CEP112: variants seen among roughly 807,000 people sequenced by gnomAD.
CEP112 encodes the protein centrosomal protein 112.
Under a neutral mutation model 153.0 loss-of-function variants are expected in CEP112, and 127 were observed. That is an observed-to-expected ratio of 0.83 (90% CI 0.72 to 0.96). The LOEUF (loss-of-function observed/expected upper bound fraction) is 0.96, where lower values mean the gene tolerates loss of function less well. CEP112 is among the 40% of genes least tolerant of loss of function. The probability of loss-of-function intolerance (pLI) is 0.00; values close to 1 mark genes in which losing one functional copy is unlikely to be tolerated. For synonymous variants in CEP112, 358 were observed against 374.4 expected, an observed-to-expected ratio of 0.96 and a Z score of 0.51; for missense variants, 1,089 against 1,101.2, an observed-to-expected ratio of 0.99 and a Z score of 0.16.
At chr17:65,951,107 TTGTC>T (rs553212773) in intron 18 of CEP112, among the ~76,000 whole-genome samples, 3 of 152,260 alleles carry the variant, frequency 2.0e-5, no homozygotes, top group South Asian at 4.1e-4. Context: ...TGGTGTATAA[TTGTC>T]TGTATATGTT....
chr17:65,992,912 CAT>C (rs1453345400), intron 17 of CEP112, among the ~76,000 whole-genome samples: 3 of 146,502 alleles, frequency 2.0e-5, no homozygotes, highest in Non-Finnish European at 3.0e-5. Context: ...ATTCTTCCCA[CAT>C]ATGTGTATTC....
chr17:65,887,607 A>G (rs1247949708), intron 20 of CEP112, among the ~76,000 whole-genome samples: 1 of 152,194 alleles, frequency 6.6e-6, no homozygotes, highest in East Asian at 1.9e-4. Context: ...CACCCATGGA[A>G]GCAGCTCAGC....
intron 19 of CEP112, among the ~76,000 whole-genome samples, chr17:65,909,148 C>T (rs2060190492): frequency 6.6e-6 from 1 of 152,104 alleles, no homozygotes; most frequent in Non-Finnish European, 1.5e-5. Context: ...GTCAGGAATG[C>T]CAGTGCTAGA....
chr17:65,641,676 A>G (rs913535131), intron 24 of CEP112, among the ~76,000 whole-genome samples: 1 of 152,030 alleles, frequency 6.6e-6, no homozygotes, highest in Admixed American at 6.6e-5. Context: ...AGCCCAGGAG[A>G]TCAAGGCTGC....
intron 18 of CEP112, among the ~76,000 whole-genome samples, chr17:65,954,279 AAGCCTCATTCCTAGGGGAAGGGGG>A (rs1415239409): frequency 6.6e-6 from 1 of 152,208 alleles, no homozygotes; most frequent in Admixed American, 6.5e-5. Context: ...CGCTCTTAGG[AAGCCTCATTCCTAGGGGAAGGGGG>A]AGCCTCATTC....
At chr17:66,095,087 G>A (rs937475250) in intron 8 of CEP112, among the ~76,000 whole-genome samples, 17 of 152,222 alleles carry the variant, frequency 1.1e-4, no homozygotes, top group South Asian at 6.2e-4. Flanking sequence ...AAAACAGTAC[G>A]AGGGTTCCTT....
intron 21 of CEP112, among the ~76,000 whole-genome samples, chr17:65,850,153 CAAAAAAAAAAAA>C (rs57086665): frequency 5.6e-5 from 2 of 35,716 alleles, no homozygotes; most frequent in East Asian, 8.8e-4. Flanking sequence ...GACTCTGTCT[CAAAAAAAAAAAA>C]AAAAAAAAAA....
intron 18 of CEP112, among the ~76,000 whole-genome samples, chr17:65,937,551 CGTCCGGG>C (rs2144389605): frequency 2.0e-5 from 2 of 102,150 alleles, no homozygotes; most frequent in East Asian, 9.5e-4. Flanking sequence ...CCAGCCGCCC[CGTCCGGG>C]AGGGAGGTGG....
intron 20 of CEP112, among the ~76,000 whole-genome samples, chr17:65,861,796 G>A (rs1258531488): frequency 6.6e-6 from 1 of 152,166 alleles, no homozygotes; most frequent in Non-Finnish European, 1.5e-5. Flanking sequence ...ATTGATTTGG[G>A]TGTAACGTGA....
chr17:65,955,303 AAAC>A (rs148378516), intron 18 of CEP112, among the ~76,000 whole-genome samples: 10,027 of 152,214 alleles, frequency 0.066, 495 homozygotes, highest in African/African-American at 0.12. Flanking sequence ...CTTTTCCAGA[AAAC>A]AAATGCGGAG....
intron 21 of CEP112, among the ~76,000 whole-genome samples, chr17:65,798,569 C>T (rs1443564752): frequency 6.6e-6 from 1 of 152,192 alleles, no homozygotes; most frequent in Non-Finnish European, 1.5e-5. Flanking sequence ...ATGTTCTACT[C>T]ATTATTCAAT....
chr17:66,034,976 G>A (rs28369388), intron 12 of CEP112, among the ~76,000 whole-genome samples: 896 of 13,428 alleles, frequency 0.067, 56 homozygotes, highest in Non-Finnish European at 0.098. Flanking sequence ...GTTTTTGCAT[G>A]TATATATATA....
At chr17:65,810,874 A>G (rs1313434153) in intron 21 of CEP112, among the ~76,000 whole-genome samples, 5 of 152,106 alleles carry the variant, frequency 3.3e-5, no homozygotes, top group African/African-American at 1.2e-4. Context: ...ATCTACCCTA[A>G]AGGAGGGAAG....
At chr17:65,839,254 C>T (rs1215283001) in intron 21 of CEP112, among the ~76,000 whole-genome samples, 1 of 151,888 alleles carries the variant, frequency 6.6e-6, no homozygotes, top group Non-Finnish European at 1.5e-5. Context: ...ATGTAAAAAT[C>T]CTCAGGAACA....
intron 20 of CEP112, among the ~76,000 whole-genome samples, chr17:65,865,928 G>A (rs1018229360): frequency 8.5e-5 from 13 of 152,124 alleles, no homozygotes; most frequent in Non-Finnish European, 1.8e-4. Flanking sequence ...GCGGTGCTGC[G>A]CTCTACACAG....
chr17:66,095,291 C>A (rs1320236066), intron 8 of CEP112, among the ~76,000 whole-genome samples: 1 of 151,398 alleles, frequency 6.6e-6, no homozygotes, highest in African/African-American at 2.4e-5. Flanking sequence ...TATACACATA[C>A]ACACACACAC....
At chr17:66,049,606 TG>T (rs1393923266) in intron 12 of CEP112, among the ~76,000 whole-genome samples, 1 of 151,960 alleles carries the variant, frequency 6.6e-6, no homozygotes. Flanking sequence ...AAAAATCAGC[TG>T]GGCCATGGTG....
At chr17:66,059,029 C>G (rs1486724247) in intron 11 of CEP112, among the ~76,000 whole-genome samples, 2 of 152,068 alleles carry the variant, frequency 1.3e-5, no homozygotes, top group Non-Finnish European at 2.9e-5. Context: ...ACCATCTGAT[C>G]TTTGACAAAG....
intron 19 of CEP112, among the ~76,000 whole-genome samples, chr17:65,907,042 TA>T (rs1458881985): frequency 6.6e-6 from 1 of 152,154 alleles, no homozygotes; most frequent in Non-Finnish European, 1.5e-5. Flanking sequence ...TAAAATTGGT[TA>T]AAAGCAAAAT....
Sources: allele counts gnomAD v4.1 joint callset (sites outside exome capture counted in the v4.1 genomes callset), GRCh38; gene constraint gnomAD v4.1.1; transcripts MANE v1.5; gene names NCBI Gene and HGNC (gene_info 2026-07-23, HGNC 2026-07-21).